The following KIAA1217 variants were observed in gnomAD, a reference collection of about 807,000 sequenced individuals.
KIAA1217 encodes sickle tail protein homolog.
Under a neutral mutation model 163.9 loss-of-function variants are expected in KIAA1217, and 88 were observed. The observed-to-expected ratio is 0.54, with a 90% CI of 0.45 to 0.64. The LOEUF is 0.64. Ranked by LOEUF, KIAA1217 falls within the 30% of genes least tolerant of loss-of-function variation. The probability of loss-of-function intolerance (pLI) is 0.00; values close to 1 mark genes in which losing one functional copy is unlikely to be tolerated. For synonymous variants in KIAA1217, 903 were observed against 923.1 expected (o/e 0.98, Z 0.39); for missense variants, 2,372 against 2,475.0 (o/e 0.96, Z 0.88).
chr10:24,250,385 AT>A (rs1338468992), intron 2 of KIAA1217, among the ~76,000 whole-genome samples: 1 of 151,088 alleles, frequency 6.6e-6, no homozygotes, highest in African/African-American at 2.4e-5. Flanking sequence ...ATTGGCAACA[AT>A]TTTACGCGTG....
intron 2 of KIAA1217, among the ~76,000 whole-genome samples, chr10:24,307,196 A>G (rs542793640): frequency 6.6e-6 from 1 of 152,280 alleles, no homozygotes; most frequent in Admixed American, 6.5e-5. Context: ...TGGCAAGTCT[A>G]CTTTTGGAAA....
At chr10:24,332,311 C>T (rs1475787389) in intron 2 of KIAA1217, among the ~76,000 whole-genome samples, 1 of 152,146 alleles carries the variant, frequency 6.6e-6, no homozygotes, top group Non-Finnish European at 1.5e-5. Context: ...ATGATTGCCT[C>T]ATGGAACACC....
chr10:24,239,425 C>A (rs1013812611), intron 2 of KIAA1217: 6 of 441,402 alleles, frequency 1.4e-5, no homozygotes, highest in African/African-American at 2.2e-5. Flanking sequence ...GTTCTCTTGG[C>A]AGGAAGAAGT....
At chr10:24,430,088 G>A (rs2059475009) in intron 3 of KIAA1217, among the ~76,000 whole-genome samples, 1 of 152,226 alleles carries the variant, frequency 6.6e-6, no homozygotes, top group African/African-American at 2.4e-5. Flanking sequence ...TGGGGCTGCA[G>A]TGAGCCCTGA....
upstream of KIAA1217, chr10:24,208,925 G>T (rs756294646): frequency 4.3e-5 from 16 of 373,492 alleles, no homozygotes; most frequent in African/African-American, 3.4e-4. Flanking sequence ...AGTCCCCGGA[G>T]AGCGCGCCTG....
intron 2 of KIAA1217, among the ~76,000 whole-genome samples, chr10:24,280,675 T>G (rs1281198856): frequency 6.6e-6 from 1 of 151,994 alleles, no homozygotes; most frequent in Admixed American, 6.6e-5. Context: ...CCAAGCATGG[T>G]CACAGGCGCC....
chr10:24,439,007 G>A (rs16924768), intron 5 of KIAA1217, among the ~76,000 whole-genome samples: 15,416 of 152,180 alleles, frequency 0.1, 842 homozygotes, highest in East Asian at 0.17. Context: ...TCCTCTCTGA[G>A]CCATGCTGAG....
rs1249005176 is a variant in KIAA1217, at chr10:23,817,984, T to C, written c.-321+122750T>C. The stretch of plus-strand genomic sequence containing the variant: ...GCACATATATATATATATATATATA[T>C]ATATATATATATATATATATATATA... On this transcript the variant is annotated intron_variant, in intron 1 of 18. Transcript: ENST00000376462. Among the ~76,000 whole-genome samples, 228 of 116,466 alleles carry C rather than the reference T, an allele frequency of 2.0e-3. 4 individuals are homozygous for C. Among genetic ancestry groups the C allele is most frequent in the African/African-American group, 6.6e-3 (189 of 28,540 alleles). 76.4% of individuals were successfully genotyped at this position (116,466 alleles called of 152,430 possible). A position where few individuals can be genotyped will look rare whatever the true frequency, so the allele number is the denominator to read the frequency against.
At chr10:24,154,596 C>G (rs1280511059) in intron 2 of KIAA1217, among the ~76,000 whole-genome samples, 1 of 151,896 alleles carries the variant, frequency 6.6e-6, no homozygotes, top group Non-Finnish European at 1.5e-5. Context: ...GAGGAGAGGC[C>G]GAGCACAGTG....
At chr10:24,201,680 C>A (rs1564821526) in intron 2 of KIAA1217, among the ~76,000 whole-genome samples, 1 of 152,182 alleles carries the variant, frequency 6.6e-6, no homozygotes, top group Non-Finnish European at 1.5e-5. Flanking sequence ...AAGTCCCCAC[C>A]CTGCCCTACC....
intron 2 of KIAA1217, among the ~76,000 whole-genome samples, chr10:24,247,561 C>T (rs1403818625): frequency 1.3e-5 from 2 of 152,134 alleles, no homozygotes; most frequent in African/African-American, 4.8e-5. Context: ...CTTTGGGAGG[C>T]CAAGGGGAGG....
At chr10:23,952,468 G>C (rs1388508029) in intron 1 of KIAA1217, among the ~76,000 whole-genome samples, 2 of 152,146 alleles carry the variant, frequency 1.3e-5, no homozygotes, top group Non-Finnish European at 2.9e-5. Flanking sequence ...ACTGCTGAGA[G>C]AAATCACTCT....
At position 24,436,464 on chromosome 10, in the gene KIAA1217, C is replaced by CAAA. The variant is rs34617087; in HGVS notation, c.753-1912_753-1910dup. Among the ~76,000 whole-genome samples, 914 of 138,650 alleles carry CAAA rather than the reference C, an allele frequency of 6.6e-3. 8 individuals carry two copies. The highest frequency in any genetic ancestry group is 0.019 in the African/African-American group (763 of 39,182). The allele number at this position is 138,650 out of a possible 152,430, so 91.0% of individuals were successfully genotyped here. A position where few individuals can be genotyped will look rare whatever the true frequency, so the allele number is the denominator to read the frequency against. Reference sequence around the variant, plus strand: ...TTTTCACCACCAGCATTATATAAGACAAAAAAAAAAAAGGCTGGGCGCTGT... The same window carrying CAAA: ...TTTTCACCACCAGCATTATATAAGACAAAAAAAAAAAAAAAGGCTGGGCGCTGT... On this transcript the variant is annotated intron_variant, in intron 4 of 20. Transcript: ENST00000376454.
chr10:24,166,807 G>A (rs535851518), intron 2 of KIAA1217, among the ~76,000 whole-genome samples: 1 of 152,228 alleles, frequency 6.6e-6, no homozygotes, highest in Admixed American at 6.5e-5. Context: ...AAATATTTAA[G>A]GTAATGGACA....
chr10:23,791,734 T>A (rs1484667071), intron 1 of KIAA1217, among the ~76,000 whole-genome samples: 10 of 152,324 alleles, frequency 6.6e-5, no homozygotes, highest in African/African-American at 2.2e-4. Flanking sequence ...TATTGAAAAA[T>A]ATCTTTTTAG....
intron 1 of KIAA1217, among the ~76,000 whole-genome samples, chr10:23,989,733 A>C: frequency 6.6e-6 from 1 of 152,204 alleles, no homozygotes; most frequent in East Asian, 1.9e-4. Context: ...AAGACATTTG[A>C]TGTCAGAACT....
At chr10:24,277,771 T>A (rs2077470430) in intron 2 of KIAA1217, among the ~76,000 whole-genome samples, 2 of 152,208 alleles carry the variant, frequency 1.3e-5, no homozygotes, top group Admixed American at 6.5e-5. Flanking sequence ...CAATTAAACC[T>A]CTTTCCTTTA....
At chr10:24,314,910 C>T (rs946188001) in intron 2 of KIAA1217, among the ~76,000 whole-genome samples, 1 of 152,098 alleles carries the variant, frequency 6.6e-6, no homozygotes, top group Non-Finnish European at 1.5e-5. Flanking sequence ...CGCCGCTGCA[C>T]TCCAGCCTGG....
In KIAA1217 at chr10:23,909,756, G is replaced by T. The variant is rs372059372; in HGVS notation, c.-320-97469G>T. Among the ~76,000 whole-genome samples, 21 of 152,244 alleles carry T rather than the reference G, an allele frequency of 1.4e-4. No homozygotes were observed. In the East Asian group the frequency reaches 4.1e-3, roughly 30 times the overall value. ...GTGAACAGTGCCGCAATAAACATAT[G>T]TGTGCATGTGTCCTTATAGTAGGAT... On this transcript the variant is annotated intron_variant, in intron 1 of 18. Transcript: ENST00000376462.
Sources: gnomAD v4.1 joint callset for allele counts (sites outside exome capture counted in the v4.1 genomes callset) on GRCh38, gnomAD v4.1.1 for gene constraint, MANE v1.5 for transcripts, NCBI Gene and HGNC (gene_info 2026-07-23, HGNC 2026-07-21) for gene names.